Variants in CD226 observed in about 807,000 individuals in gnomAD.
CD226 encodes CD226 molecule, also known as CD226 antigen.
A neutral mutation model predicts 34.9 loss-of-function variants in CD226; 24 were observed. That is an observed-to-expected ratio of 0.69 (90% CI 0.50 to 0.97). The LOEUF (loss-of-function observed/expected upper bound fraction) is 0.97, where lower values mean the gene tolerates loss of function less well. Among genes scored for constraint, CD226 ranks in the 50% least tolerant of loss-of-function variants. CD226 has a pLI of 0.00. For missense variants in CD226, 397 were observed against 412.7 expected (o/e 0.96, Z 0.33); for synonymous variants, 148 against 147.4 (o/e 1.00, Z -0.03).
At chr18:69,950,000 T>C (rs111170397), upstream of CD226, among the ~76,000 whole-genome samples, 1,640 of 151,016 alleles carry the variant, frequency 0.011, 14 homozygotes, top group African/African-American at 0.018. Context: ...ACTTTGTTTC[T>C]CACACTCTCT....
intron 2 of CD226, among the ~76,000 whole-genome samples, chr18:69,904,145 T>C (rs1173811746): frequency 2.6e-5 from 4 of 151,804 alleles, no homozygotes; most frequent in Non-Finnish European, 5.9e-5. Context: ...TGAGTTACAA[T>C]AAAGAGATAA....
At chr18:69,913,119 C>T (rs1299832913) in intron 2 of CD226, among the ~76,000 whole-genome samples, 4 of 152,162 alleles carry the variant, frequency 2.6e-5, no homozygotes, top group Non-Finnish European at 4.4e-5. Flanking sequence ...GTGGGATAAA[C>T]GGGCTCTGGG....
intron 2 of CD226, among the ~76,000 whole-genome samples, chr18:69,896,935 C>T (rs1300223131): frequency 2.6e-5 from 4 of 152,180 alleles, no homozygotes; most frequent in Admixed American, 2.6e-4. Flanking sequence ...TTCCTCACAC[C>T]ATTTCTGGAA....
chr18:69,959,858 C>T (rs1025166835), upstream of CD226, among the ~76,000 whole-genome samples: 4 of 152,102 alleles, frequency 2.6e-5, no homozygotes, highest in Admixed American at 1.3e-4. Context: ...CACGATGCAG[C>T]AGGAAGAAAG....
Position 69,864,408 on chromosome 18 carries a change from G to A in CD226, c.917C>T (p.Thr306Ile). 6.2e-7 allele frequency: 1 copy of A among 1,613,298 alleles called. No individual in the cohort carries two copies. The highest frequency in any genetic ancestry group is 8.5e-7 in the Non-Finnish European group (1 of 1,179,372). The change falls in exon 6 of 6, where the codon ACC (threonine) becomes ATC (isoleucine). Residue 306 changes from threonine (T) to isoleucine (I), a missense_variant. Coordinates refer to ENST00000582621, the MANE Select transcript of CD226 (RefSeq NM_001303618.2). ...APNNYRSPIS[T>I]SQPTNQSMDD... Reference sequence around the variant, plus strand: ...CATGGATTGATTGGTAGGTTGACTGGTAGAGATGGGACTTCTATAGTTATT... The same window carrying A: ...CATGGATTGATTGGTAGGTTGACTGATAGAGATGGGACTTCTATAGTTATT...
At chr18:69,950,341 G>T (rs1365212853), upstream of CD226, among the ~76,000 whole-genome samples, 2 of 152,136 alleles carry the variant, frequency 1.3e-5, no homozygotes, top group Non-Finnish European at 2.9e-5. Flanking sequence ...CATACCACCT[G>T]CTCTTTTACA....
At chr18:69,864,680 C>T (rs1983028378) in intron 5 of CD226, among the ~76,000 whole-genome samples, 1 of 152,162 alleles carries the variant, frequency 6.6e-6, no homozygotes, top group Admixed American at 6.6e-5. Context: ...TTACCTGTTT[C>T]AATGTAGAAC....
At chr18:69,953,697 T>A (rs1479664454) in intron 1 of CD226, among the ~76,000 whole-genome samples, 1 of 152,164 alleles carries the variant, frequency 6.6e-6, no homozygotes, top group African/African-American at 2.4e-5. Flanking sequence ...CTGAACTGTA[T>A]ATTTTAAAAT....
chr18:69,862,839 T>G lies in CD226; in HGVS notation c.*1475A>C, dbSNP rs567938773. ...ATCATGAAGTCCACAACTTTGATAT[T>G]TAAATACAGCCTTCATAATGAATCT... On this transcript the variant is annotated 3_prime_UTR_variant, in exon 6 of 6. Coordinates refer to ENST00000582621, the MANE Select transcript of CD226 (RefSeq NM_001303618.2). 3 of 152,296 alleles carry G rather than the reference T, an allele frequency of 2.0e-5. No homozygotes were observed. In the South Asian group the frequency reaches 6.2e-4, roughly 32 times the overall value. The allele number at this position is 152,296 out of a possible 1,614,324, so 9.4% of individuals were successfully genotyped here.
At chr18:69,883,956 G>A (rs1217425686) in intron 3 of CD226, among the ~76,000 whole-genome samples, 4 of 152,222 alleles carry the variant, frequency 2.6e-5, no homozygotes, top group Non-Finnish European at 5.9e-5. Context: ...TCAGCAAAGG[G>A]ATAAACTGCC....
At position 69,947,082 on chromosome 18, in the gene CD226, A is replaced by G; in HGVS notation, c.47-13T>C. On this transcript the variant is annotated splice_polypyrimidine_tract_variant and intron_variant, in intron 1 of 5. Coordinates refer to ENST00000582621, the MANE Select transcript of CD226 (RefSeq NM_001303618.2). The stretch of plus-strand genomic sequence containing the variant: ...TCTTCACATAGAGCTGAAATATACA[A>G]CATCACATTAATTGTTAGCCTTGAT... 6.3e-7 allele frequency: 1 copy of G among 1,592,772 alleles called. No individual in the cohort carries two copies. Among genetic ancestry groups the G allele is most frequent in the African/African-American group, 1.3e-5 (1 of 74,554 alleles).
intron 3 of CD226, among the ~76,000 whole-genome samples, chr18:69,884,494 T>C (rs1008645412): frequency 1.3e-5 from 2 of 152,242 alleles, no homozygotes; most frequent in Non-Finnish European, 2.9e-5. Context: ...TTGAAAGACA[T>C]GCACATCTTT....
chr18:69,904,094 A>G (rs1459333119), intron 2 of CD226, among the ~76,000 whole-genome samples: 1 of 152,180 alleles, frequency 6.6e-6, no homozygotes. Context: ...AAATAAGCTA[A>G]AAGACCGCTT....
Position 69,858,747 on chromosome 18 carries a change from T to TTTTA in CD226, c.*5566_*5567insTAAA, listed in dbSNP as rs1982687811. On this transcript the variant is annotated 3_prime_UTR_variant, in exon 6 of 6. Coordinates refer to ENST00000582621, the MANE Select transcript of CD226 (RefSeq NM_001303618.2). ...TTTTTTTTTTTTTTTTTTTTTTTTT[T>TTTTA]GAGACGGAGTCTCGCTCTGTTGCCC... 7.4e-6 allele frequency: 1 copy of TTTTA among 135,116 alleles called. No homozygotes were observed. The highest frequency in any genetic ancestry group is 2.9e-5 in the African/African-American group (1 of 35,014). 8.4% of individuals were successfully genotyped at this position (135,116 alleles called of 1,614,324 possible). A position where few individuals can be genotyped will look rare whatever the true frequency, so the allele number is the denominator to read the frequency against.
upstream of CD226, among the ~76,000 whole-genome samples, chr18:69,950,176 G>A (rs112743241): frequency 2.4e-3 from 361 of 151,042 alleles, 1 homozygote; most frequent in African/African-American, 8.4e-3. Flanking sequence ...AAACACACTC[G>A]TACATGCATA....
At chr18:69,914,297 A>G (rs2145293857) in intron 2 of CD226, among the ~76,000 whole-genome samples, 1 of 152,354 alleles carries the variant, frequency 6.6e-6, no homozygotes, top group African/African-American at 2.4e-5. Flanking sequence ...TATCAGTGCC[A>G]TTGGCAATTT....
rs143580631 is a variant in CD226, at chr18:69,878,511, T to C, written c.728-5265A>G. Among the ~76,000 whole-genome samples, 10 of 152,144 alleles carry C rather than the reference T, an allele frequency of 6.6e-5. No homozygotes were observed. The East Asian group carries it at 1.9e-3, about 29-fold the overall frequency. On this transcript the variant is annotated intron_variant, in intron 3 of 5. Transcript: ENST00000582621. ...GCAGGCAAGAGTGGCCATTAATGTC[T>C]ATAGTTTATCCTCTATTAGGGTGGG...
chr18:69,900,980 T>C (rs2055175144), intron 2 of CD226, among the ~76,000 whole-genome samples: 1 of 152,156 alleles, frequency 6.6e-6, no homozygotes, highest in Non-Finnish European at 1.5e-5. Context: ...ACAAATGCCA[T>C]TTATGTTTCC....
At chr18:69,890,251 G>T (rs1241492155) in intron 3 of CD226, among the ~76,000 whole-genome samples, 1 of 152,176 alleles carries the variant, frequency 6.6e-6, no homozygotes, top group Non-Finnish European at 1.5e-5. Flanking sequence ...TTAAGCAGAT[G>T]CCATAATCCT....
Sources: gnomAD v4.1 joint callset for allele counts (sites outside exome capture counted in the v4.1 genomes callset) on GRCh38, gnomAD v4.1.1 for gene constraint, MANE v1.5 for transcripts, NCBI Gene and HGNC (gene_info 2026-07-23, HGNC 2026-07-21) for gene names.